The following TAB2 variants were observed in gnomAD, a reference collection of about 807,000 sequenced individuals.
TAB2 encodes TGF-beta activated kinase 1 (MAP3K7) binding protein 2, also known as TGF-beta-activated kinase 1 and MAP3K7-binding protein 2.
A neutral mutation model predicts 65.0 loss-of-function variants in TAB2; 3 were observed. That is an observed-to-expected ratio of 0.05 (90% CI 0.02 to 0.12). The LOEUF is 0.12. Among genes scored for constraint, TAB2 ranks in the 10% least tolerant of loss-of-function variants. The probability of loss-of-function intolerance (pLI) is 1.00; values close to 1 mark genes in which losing one functional copy is unlikely to be tolerated. For missense variants in TAB2, 623 were observed against 840.3 expected, an observed-to-expected ratio of 0.74 and a Z score of 3.20; for synonymous variants, 298 against 285.1, an observed-to-expected ratio of 1.05 and a Z score of -0.46.
chr6:149,271,257 T>A (rs1778357869), intron 1 of TAB2, among the ~76,000 whole-genome samples: 1 of 152,138 alleles, frequency 6.6e-6, no homozygotes, highest in African/African-American at 2.4e-5. Flanking sequence ...CCTGACTGTG[T>A]TTGGAAACTC....
At chr6:149,374,865 T>C (rs1363246121) in intron 2 of TAB2, among the ~76,000 whole-genome samples, 2 of 152,106 alleles carry the variant, frequency 1.3e-5, no homozygotes, top group Non-Finnish European at 2.9e-5. Context: ...AAATACCAAG[T>C]TTTCTCAACA....
chr6:149,377,826 G>T (rs1466939581), intron 2 of TAB2, among the ~76,000 whole-genome samples, 192 bp from the exon 3 acceptor site: 1 of 152,026 alleles, frequency 6.6e-6, no homozygotes, highest in African/African-American at 2.4e-5. Context: ...GTCAGAGAGA[G>T]CTTTTCCATT....
chr6:149,378,629 G>A lies in TAB2; in HGVS notation c.714G>A (p.Gln238=). The change falls in exon 3 of 7, where the codon CAG becomes CAA. Residue 238 remains glutamine (Q), a synonymous_variant. Transcript: ENST00000637181. ...QTQQHSGWVS[Q]FNPMNPQQVY... ...AACAGCATTCTGGCTGGGTATCTCA[G>A]TTTAATCCCATGAACCCTCAGCAAG... 6.2e-7 allele frequency: 1 copy of A among 1,613,288 alleles called. No individual in the cohort carries two copies. The highest frequency in any genetic ancestry group is 1.6e-4 in the Middle Eastern group (1 of 6,062).
At chr6:149,341,149 G>C (rs1780111099) in intron 1 of TAB2, among the ~76,000 whole-genome samples, 1 of 151,998 alleles carries the variant, frequency 6.6e-6, no homozygotes, top group Admixed American at 6.6e-5. Context: ...TGTGTTGACA[G>C]AAGTATTTTA....
chr6:149,405,744 A>G (rs371412820), intron 6 of TAB2, among the ~76,000 whole-genome samples: 5 of 152,278 alleles, frequency 3.3e-5, no homozygotes, highest in Admixed American at 2.0e-4. Context: ...GGGCTGGGAG[A>G]AGAGGGTATG....
intron 1 of TAB2, among the ~76,000 whole-genome samples, chr6:149,298,852 T>C (rs1434087020): frequency 2.0e-5 from 3 of 152,214 alleles, no homozygotes; most frequent in Admixed American, 6.5e-5. Flanking sequence ...TATTATATTC[T>C]CCCACTTGAC....
At chr6:149,249,558 C>T (rs1232508246) in intron 1 of TAB2, among the ~76,000 whole-genome samples, 1 of 151,610 alleles carries the variant, frequency 6.6e-6, no homozygotes, top group Non-Finnish European at 1.5e-5. Flanking sequence ...GTCTCTGTCT[C>T]CCTCTCTTTC....
chr6:149,252,794 G>A (rs568462105), intron 1 of TAB2, among the ~76,000 whole-genome samples: 47 of 152,098 alleles, frequency 3.1e-4, no homozygotes, highest in Non-Finnish European at 5.4e-4. Context: ...TGACTTTGAG[G>A]TTAGTCATGT....
chr6:149,408,512 T>C (rs1782739728), intron 6 of TAB2, among the ~76,000 whole-genome samples: 1 of 152,200 alleles, frequency 6.6e-6, no homozygotes, highest in Non-Finnish European at 1.5e-5. Context: ...GTTACAATAG[T>C]CTCTCTTTTA....
intron 1 of TAB2, among the ~76,000 whole-genome samples, chr6:149,220,072 T>G (rs1252404663): frequency 6.6e-6 from 1 of 152,200 alleles, no homozygotes; most frequent in East Asian, 1.9e-4. Context: ...TTTAAAAAAA[T>G]GAGTAAGATG....
chr6:149,329,665 TG>T (rs376907875), intron 1 of TAB2, among the ~76,000 whole-genome samples: 8 of 29,860 alleles, frequency 2.7e-4, no homozygotes, highest in Non-Finnish European at 3.2e-4. Context: ...TAATTGGAGC[TG>T]GGGGGGGCGG....
intron 1 of TAB2, among the ~76,000 whole-genome samples, chr6:149,254,394 C>G (rs4897098): frequency 0.8 from 121,772 of 152,184 alleles, 48,816 homozygotes; most frequent in East Asian, 0.94. Context: ...TTTGAGTTAG[C>G]CTTCTGTTTC....
intron 1 of TAB2, among the ~76,000 whole-genome samples, chr6:149,268,460 T>G (rs1212134388): frequency 6.6e-6 from 1 of 152,210 alleles, no homozygotes; most frequent in Non-Finnish European, 1.5e-5. Context: ...ATCATTTTCA[T>G]GAACCACATT....
At chr6:149,274,637 G>T (rs1176375849) in intron 1 of TAB2, among the ~76,000 whole-genome samples, 1 of 152,170 alleles carries the variant, frequency 6.6e-6, no homozygotes, top group East Asian at 1.9e-4. Flanking sequence ...TGGAGGAAAA[G>T]GTCCTTTGAG....
intron 6 of TAB2, among the ~76,000 whole-genome samples, chr6:149,407,421 A>G (rs1269013250): frequency 5.3e-5 from 8 of 152,190 alleles, no homozygotes; most frequent in Non-Finnish European, 1.2e-4. Context: ...CAGTTGTTGA[A>G]GTGGGATGAG....
At chr6:149,406,964 G>A (rs1403769861) in intron 6 of TAB2, among the ~76,000 whole-genome samples, 1 of 152,160 alleles carries the variant, frequency 6.6e-6, no homozygotes, top group Non-Finnish European at 1.5e-5. Flanking sequence ...TGATCCACCC[G>A]TCTCGGCCTC....
intron 1 of TAB2, chr6:149,246,011 G>C (rs750686884): frequency 6.6e-6 from 1 of 151,822 alleles, no homozygotes; most frequent in African/African-American, 2.4e-5. Flanking sequence ...GCTCCGCTCC[G>C]AGGTTCAAGC....
chr6:149,369,542 C>G (rs1372577515), intron 1 of TAB2, among the ~76,000 whole-genome samples: 1 of 152,090 alleles, frequency 6.6e-6, no homozygotes, highest in Non-Finnish European at 1.5e-5. Flanking sequence ...AGTATCCAAA[C>G]TTTAAGAATT....
intron 1 of TAB2, among the ~76,000 whole-genome samples, chr6:149,286,429 A>G (rs1305783877): frequency 6.6e-6 from 1 of 152,230 alleles, no homozygotes; most frequent in East Asian, 1.9e-4. Flanking sequence ...TGAGGAAAGC[A>G]TTTTATAAAT....
Sources: allele counts gnomAD v4.1 joint callset (sites outside exome capture counted in the v4.1 genomes callset), GRCh38; gene constraint gnomAD v4.1.1; transcripts MANE v1.5; gene names NCBI Gene and HGNC (gene_info 2026-07-23, HGNC 2026-07-21).